FAM222A: variants seen among roughly 807,000 people sequenced by gnomAD.
FAM222A encodes the protein protein FAM222A.
A neutral mutation model predicts 25.8 loss-of-function variants in FAM222A; 7 were observed. The observed-to-expected ratio is 0.27, with a 90% CI of 0.15 to 0.51. The LOEUF (loss-of-function observed/expected upper bound fraction) is 0.51, where lower values mean the gene tolerates loss of function less well. Ranked by LOEUF, FAM222A falls within the 20% of genes least tolerant of loss-of-function variation. FAM222A has a pLI of 0.97. For missense variants in FAM222A, 573 were observed against 640.5 expected, an observed-to-expected ratio of 0.89 and a Z score of 1.14; for synonymous variants, 294 against 298.8, an observed-to-expected ratio of 0.98 and a Z score of 0.17.
intron 1 of FAM222A, chr12:109,735,556 T>C (rs1050694426): frequency 6.6e-6 from 1 of 152,258 alleles, no homozygotes; most frequent in Non-Finnish European, 1.5e-5. Flanking sequence ...AGGCTAGAGA[T>C]ACCGGGCCCC....
Position 109,768,183 on chromosome 12 carries a change from G to C in FAM222A, c.254G>C (p.Ser85Thr). Residue 85 changes from serine (S) to threonine (T), a missense_variant, in exon 3 of 3, where the codon AGT becomes ACT. Ser to Thr is a moderately conservative substitution (Grantham distance 58). Coordinates refer to ENST00000538780, the MANE Select transcript of FAM222A (RefSeq NM_032829.3). ...CGCACAGTCAATGGCTATGACACCA[G>C]TGGCCAGCGCTACAGCCCCTACCCA... ...LSRTVNGYDT[S>T]GQRYSPYPQH... 1 of 1,613,602 alleles carries C rather than the reference G, an allele frequency of 6.2e-7. No homozygotes were observed. The highest frequency in any genetic ancestry group is 1.7e-5 in the Admixed American group (1 of 60,024).
intron 2 of FAM222A, chr12:109,744,592 A>G (rs1888341233): frequency 1.0e-6 from 1 of 985,268 alleles, no homozygotes; most frequent in Non-Finnish European, 1.2e-6. Context: ...AAAAATAGAC[A>G]GAATGGGGTC....
At chr12:109,740,791 AAC>A (rs1256238577) in intron 1 of FAM222A, among the ~76,000 whole-genome samples, 1 of 152,192 alleles carries the variant, frequency 6.6e-6, no homozygotes, top group East Asian at 1.9e-4. Flanking sequence ...ACCCCTAAGA[AAC>A]ACAGTCCAGC....
At chr12:109,749,587 G>A (rs1888504089) in intron 2 of FAM222A, among the ~76,000 whole-genome samples, 1 of 152,078 alleles carries the variant, frequency 6.6e-6, no homozygotes, top group Admixed American at 6.5e-5. Flanking sequence ...TCAGGATTCA[G>A]TTTGGTGTAT....
At chr12:109,736,933 G>A (rs1239407109) in intron 1 of FAM222A, among the ~76,000 whole-genome samples, 1 of 152,146 alleles carries the variant, frequency 6.6e-6, no homozygotes, top group Admixed American at 6.5e-5. Context: ...CCCTAGGACA[G>A]CCTCTTGCCC....
chr12:109,767,324 T>C (rs1478116956), intron 2 of FAM222A, among the ~76,000 whole-genome samples: 1 of 152,004 alleles, frequency 6.6e-6, no homozygotes, highest in Non-Finnish European at 1.5e-5. Context: ...GCTCAGGAGT[T>C]TAAGACTGGC....
At chr12:109,748,334 CTTTTTTTTTTT>C (rs61492433) in intron 2 of FAM222A, among the ~76,000 whole-genome samples, 2 of 81,634 alleles carry the variant, frequency 2.4e-5, no homozygotes, top group East Asian at 2.4e-4. Context: ...GGTTTTCTTT[CTTTTTTTTTTT>C]TTTTTTTTTG....
chr12:109,719,537 A>G (rs1887709784), intron 1 of FAM222A, among the ~76,000 whole-genome samples: 1 of 152,206 alleles, frequency 6.6e-6, no homozygotes, highest in Admixed American at 6.5e-5. Context: ...GTCTGCAGTT[A>G]ACTGGAATTC....
intron 2 of FAM222A, among the ~76,000 whole-genome samples, chr12:109,767,041 A>C (rs1174381700): frequency 6.8e-6 from 1 of 146,380 alleles, no homozygotes; most frequent in Non-Finnish European, 1.5e-5. Flanking sequence ...GACTATAGGC[A>C]TGCACCATAA....
chr12:109,715,493 C>A (rs939608627), intron 1 of FAM222A, among the ~76,000 whole-genome samples: 1 of 152,338 alleles, frequency 6.6e-6, no homozygotes, highest in Non-Finnish European at 1.5e-5. Context: ...CGTGGCAACA[C>A]CACTTGCCTT....
intron 1 of FAM222A, among the ~76,000 whole-genome samples, chr12:109,718,631 A>G (rs991754581): frequency 1.2e-4 from 19 of 152,174 alleles, no homozygotes; most frequent in African/African-American, 2.9e-4. Flanking sequence ...GTCAAGAGCT[A>G]TTGGGCGCTT....
intron 1 of FAM222A, among the ~76,000 whole-genome samples, chr12:109,719,739 T>A (rs1887713985): frequency 6.6e-6 from 1 of 151,712 alleles, no homozygotes. Context: ...GGGGAGCTTA[T>A]AAGATGGTGG....
intron 2 of FAM222A, among the ~76,000 whole-genome samples, chr12:109,756,392 C>CTTTTTTTTTTTTT (rs35171962): frequency 8.0e-6 from 1 of 124,382 alleles, no homozygotes; most frequent in Non-Finnish European, 1.7e-5. Flanking sequence ...AATATGAATG[C>CTTTTTTTTTTTTT]TTTTTTTTTT....
intron 2 of FAM222A, among the ~76,000 whole-genome samples, chr12:109,765,852 T>C (rs747609737): frequency 4.6e-5 from 7 of 152,184 alleles, no homozygotes; most frequent in Non-Finnish European, 1.0e-4. Flanking sequence ...GGAGGGCCCT[T>C]TCTCTGGGCA....
chr12:109,729,665 C>T (rs1434239808), intron 1 of FAM222A, among the ~76,000 whole-genome samples: 1 of 152,286 alleles, frequency 6.6e-6, no homozygotes, highest in Admixed American at 6.5e-5. Flanking sequence ...CACATGCTGG[C>T]GCATGCCCCA....
Position 109,768,774 on chromosome 12 carries a change from G to A in FAM222A, c.845G>A (p.Gly282Asp). The A allele has an allele frequency of 6.3e-7, 1 of 1,580,314 alleles. No homozygotes were observed. Among genetic ancestry groups the A allele is most frequent in the Non-Finnish European group, 8.6e-7 (1 of 1,168,924 alleles). ...AAGCCTGCAGGGTACGCAGACAGCG[G>A]CCTGGATTACCTGCTGTGGCCGCAG... is the stretch of plus-strand genomic sequence containing the variant. ...AAKPAGYADS[G>D]LDYLLWPQKP... Residue 282 changes from glycine to aspartate, a missense_variant, in exon 3 of 3, where the codon GGC becomes GAC. This residue lies in a region of FAM222A where 412 missense variants were observed against 407.0 expected (regional missense o/e 1.01). Transcript: ENST00000538780.
chr12:109,716,015 A>G (rs1211484371), intron 1 of FAM222A, among the ~76,000 whole-genome samples: 3 of 152,208 alleles, frequency 2.0e-5, no homozygotes, highest in African/African-American at 7.2e-5. Flanking sequence ...GCCTTGGCCA[A>G]CCTGGAACTC....
In FAM222A at chr12:109,769,365, T is replaced by C; in HGVS notation, c.*77T>C. ...CAGGCCGCAGAACAGGGTGGGCGGC[T>C]CGCAGGGGCGCTCAGCCCCACCCTG... On this transcript the variant is annotated 3_prime_UTR_variant, in exon 3 of 3. Coordinates refer to ENST00000538780, the MANE Select transcript of FAM222A (RefSeq NM_032829.3). The C allele has an allele frequency of 6.8e-7, 1 of 1,464,356 alleles. No individual in the cohort carries two copies. Among genetic ancestry groups the C allele is most frequent in the Non-Finnish European group, 9.1e-7 (1 of 1,097,662 alleles). 90.7% of individuals were successfully genotyped at this position (1,464,356 alleles called of 1,614,324 possible). A position where few individuals can be genotyped will look rare whatever the true frequency, so the allele number is the denominator to read the frequency against.
At chr12:109,737,654 C>G (rs1228478834) in intron 1 of FAM222A, among the ~76,000 whole-genome samples, 1 of 151,784 alleles carries the variant, frequency 6.6e-6, no homozygotes, top group Non-Finnish European at 1.5e-5. Flanking sequence ...GAAATAATCA[C>G]TTTTCACAGG....
Sources: allele counts gnomAD v4.1 joint callset (sites outside exome capture counted in the v4.1 genomes callset), GRCh38; gene constraint gnomAD v4.1.1; regional missense constraint gnomAD v4.1.1; transcripts MANE v1.5; gene names NCBI Gene and HGNC (gene_info 2026-07-23, HGNC 2026-07-21).